PCMTD1: variants seen among roughly 807,000 people sequenced by gnomAD.
PCMTD1 encodes the protein protein-L-isoaspartate O-methyltransferase domain-containing protein 1.
Under a neutral mutation model 37.6 loss-of-function variants are expected in PCMTD1, and 12 were observed. The ratio of observed to expected loss-of-function variants is 0.32; its 90% confidence interval spans 0.20 to 0.52. PCMTD1 has a LOEUF of 0.52. Among genes scored for constraint, PCMTD1 ranks in the 20% least tolerant of loss-of-function variants. PCMTD1 has a pLI of 0.97. For synonymous variants in PCMTD1, 117 were observed against 135.8 expected, an observed-to-expected ratio of 0.86 and a Z score of 0.96; for missense variants, 235 against 421.3, an observed-to-expected ratio of 0.56 and a Z score of 3.87.
intron 3 of PCMTD1, chr8:51,844,753 G>C (rs763773116): frequency 3.9e-5 from 6 of 152,178 alleles, no homozygotes; most frequent in Non-Finnish European, 7.3e-5. Flanking sequence ...GATCTTTCTA[G>C]AGAAAAGCCC....
intron 3 of PCMTD1, among the ~76,000 whole-genome samples, chr8:51,842,582 C>T (rs1431211738): frequency 6.6e-6 from 1 of 151,728 alleles, no homozygotes; most frequent in African/African-American, 2.4e-5. Flanking sequence ...GCCTTGGCCT[C>T]CCAAAGTGCT....
At chr8:51,892,342 C>T (rs1275677428) in intron 1 of PCMTD1, among the ~76,000 whole-genome samples, 4 of 152,288 alleles carry the variant, frequency 2.6e-5, no homozygotes, top group Non-Finnish European at 5.9e-5. Context: ...TGACCCTTGC[C>T]CAGAGTGGAC....
intron 2 of PCMTD1, among the ~76,000 whole-genome samples, chr8:51,848,273 T>C (rs2038252749): frequency 6.7e-6 from 1 of 149,000 alleles, no homozygotes; most frequent in East Asian, 2.0e-4. Flanking sequence ...GGCAACAGAG[T>C]GAGACCGTGT....
intron 1 of PCMTD1, among the ~76,000 whole-genome samples, chr8:51,893,777 AC>A (rs1410429836): frequency 6.6e-6 from 1 of 152,234 alleles, no homozygotes; most frequent in Non-Finnish European, 1.5e-5. Flanking sequence ...TCTGTTGTGG[AC>A]ACACACAATT....
rs1287164319 is a variant in PCMTD1 at position 51,853,923 on chromosome 8, G to A, written c.307+6922C>T. Among the ~76,000 whole-genome samples, 3 of 152,268 alleles carry A rather than the reference G, an allele frequency of 2.0e-5. No homozygotes were observed. In the East Asian group the frequency reaches 5.8e-4, roughly 29 times the overall value. The stretch of plus-strand genomic sequence containing the variant: ...ATTTTTTGTTCCTCTCTGCAAGCTT[G>A]TTAGTGATCATAAAAGCAGTGTGAG... On this transcript the variant is annotated intron_variant, in intron 2 of 5. Coordinates refer to ENST00000522514, the MANE Select transcript of PCMTD1 (RefSeq NM_052937.4).
At chr8:51,827,395 G>T in intron 5 of PCMTD1, 1 of 639,534 alleles carries the variant, frequency 1.6e-6, no homozygotes, top group Non-Finnish European at 2.5e-6. Flanking sequence ...TGAGAAATAA[G>T]CAATTCATAT....
chr8:51,840,380 C>G (rs2038129579), intron 3 of PCMTD1, among the ~76,000 whole-genome samples: 1 of 152,118 alleles, frequency 6.6e-6, no homozygotes, highest in Admixed American at 6.6e-5. Flanking sequence ...GTCCTGACAA[C>G]TATTTTCAAG....
intron 1 of PCMTD1, among the ~76,000 whole-genome samples, chr8:51,889,903 AAT>A (rs894155818): frequency 7.9e-4 from 119 of 151,518 alleles, no homozygotes; most frequent in East Asian, 1.9e-4. Context: ...TACACACAAA[AAT>A]ATATATTAGT....
At chr8:51,874,413 G>A (rs992123900) in intron 1 of PCMTD1, among the ~76,000 whole-genome samples, 2 of 125,714 alleles carry the variant, frequency 1.6e-5, no homozygotes, top group African/African-American at 4.9e-5. Flanking sequence ...AGGCACACCA[G>A]GGAAAGAATT....
chr8:51,885,754 T>C (rs2129293649), intron 1 of PCMTD1, among the ~76,000 whole-genome samples: 1 of 152,336 alleles, frequency 6.6e-6, no homozygotes, highest in Non-Finnish European at 1.5e-5. Context: ...TGTATTAAAA[T>C]GCAATACACT....
At chr8:51,882,225 A>C (rs2038801503) in intron 1 of PCMTD1, among the ~76,000 whole-genome samples, 1 of 152,212 alleles carries the variant, frequency 6.6e-6, no homozygotes. Context: ...CTGTGTTCTC[A>C]CATGACCTCT....
At chr8:51,851,109 G>C (rs1481345195) in intron 2 of PCMTD1, among the ~76,000 whole-genome samples, 1 of 152,128 alleles carries the variant, frequency 6.6e-6, no homozygotes, top group East Asian at 1.9e-4. Context: ...ATATCACATG[G>C]GGAAAAACAT....
At chr8:51,845,870 T>TTCA (rs2038210910) in intron 2 of PCMTD1, 107 bp from the exon 3 acceptor site, 1 of 660,862 alleles carries the variant, frequency 1.5e-6, no homozygotes, top group African/African-American at 1.8e-5. Context: ...TAAAGATGGC[T>TTCA]TGAAATATGC....
At chr8:51,852,748 A>G (rs768192228) in intron 2 of PCMTD1, among the ~76,000 whole-genome samples, 9 of 152,216 alleles carry the variant, frequency 5.9e-5, no homozygotes, top group Non-Finnish European at 1.0e-4. Context: ...ACTCCAGAAA[A>G]TAAAATTAAA....
chr8:51,880,877 T>C (rs2038781314), intron 1 of PCMTD1, among the ~76,000 whole-genome samples: 2 of 152,244 alleles, frequency 1.3e-5, no homozygotes, highest in African/African-American at 4.8e-5. Context: ...TTAAAGAGTA[T>C]GGCTTTGTTC....
intron 3 of PCMTD1, among the ~76,000 whole-genome samples, chr8:51,841,274 A>G (rs1198415579): frequency 6.6e-6 from 1 of 152,168 alleles, no homozygotes; most frequent in Non-Finnish European, 1.5e-5. Context: ...ATTATTTTTT[A>G]TCATCTCATT....
At chr8:51,845,820 CTTT>C (rs535280139) in intron 2 of PCMTD1, 57 bp from the exon 3 acceptor site, 69 of 1,221,414 alleles carry the variant, frequency 5.6e-5, no homozygotes, top group Non-Finnish European at 6.7e-5. Context: ...TTACAGAGCT[CTTT>C]TTTAAGTTCT....
chr8:51,834,516 A>G (rs2038039968), intron 3 of PCMTD1, among the ~76,000 whole-genome samples: 1 of 152,218 alleles, frequency 6.6e-6, no homozygotes, highest in African/African-American at 2.4e-5. Context: ...CAATGCACTA[A>G]TAAGACAGGT....
upstream of PCMTD1, chr8:51,899,087 T>C (rs1419016861): frequency 6.7e-7 from 1 of 1,482,262 alleles, no homozygotes; most frequent in Non-Finnish European, 8.9e-7. Flanking sequence ...CCTCCCGGAC[T>C]CCGGAGCCGC....
Sources: gnomAD v4.1 joint callset for allele counts (sites outside exome capture counted in the v4.1 genomes callset) on GRCh38, gnomAD v4.1.1 for gene constraint, MANE v1.5 for transcripts, NCBI Gene and HGNC (gene_info 2026-07-23, HGNC 2026-07-21) for gene names.